Variants in FAM107B observed in about 807,000 individuals in gnomAD.
FAM107B encodes the protein protein FAM107B.
FAM107B carries 21 observed loss-of-function variants against 31.5 expected under a neutral mutation model. The ratio of observed to expected loss-of-function variants is 0.67; its 90% CI spans 0.47 to 0.96. The LOEUF (loss-of-function observed/expected upper bound fraction) is 0.96, where lower values mean the gene tolerates loss of function less well. FAM107B is among the 40% of genes least tolerant of loss of function. The probability of loss-of-function intolerance (pLI) is 0.00; values close to 1 mark genes in which losing one functional copy is unlikely to be tolerated. For missense variants in FAM107B, 452 were observed against 377.1 expected (o/e 1.20, Z -1.64); for synonymous variants, 157 against 141.5 (o/e 1.11, Z -0.78).
intron 2 of FAM107B, among the ~76,000 whole-genome samples, chr10:14,570,233 G>GGTGTGTGTGTGTGTGT (rs57206586): frequency 7.1e-6 from 1 of 140,424 alleles, no homozygotes; most frequent in Non-Finnish European, 1.6e-5. Flanking sequence ...AAATGTGGTG[G>GGTGTGTGTGTGTGTGT]GTGTGTGTGT....
chr10:14,587,533 G>A (rs1369815448), intron 2 of FAM107B, among the ~76,000 whole-genome samples: 3 of 152,038 alleles, frequency 2.0e-5, no homozygotes, highest in Non-Finnish European at 4.4e-5. Context: ...ATGTTTTTAA[G>A]ACTTTCCATT....
chr10:14,690,464 A>AT (rs1469190758), intron 1 of FAM107B, among the ~76,000 whole-genome samples: 7 of 151,210 alleles, frequency 4.6e-5, no homozygotes, highest in African/African-American at 1.5e-4. Flanking sequence ...TTATTTTTTT[A>AT]TTTTTTTGAG....
chr10:14,558,536 T>C (rs1019782146), intron 2 of FAM107B, among the ~76,000 whole-genome samples: 6 of 152,160 alleles, frequency 3.9e-5, no homozygotes, highest in African/African-American at 1.4e-4. Context: ...TCCAGAAGCA[T>C]CCAGAAAGAG....
chr10:14,538,684 T>C (rs572290341), intron 2 of FAM107B, among the ~76,000 whole-genome samples: 28 of 152,192 alleles, frequency 1.8e-4, no homozygotes, highest in Non-Finnish European at 3.1e-4. Flanking sequence ...ACTTTTTTGG[T>C]GCATGCCCTC....
intron 1 of FAM107B, among the ~76,000 whole-genome samples, chr10:14,761,153 T>C (rs973772314): frequency 6.6e-6 from 1 of 152,184 alleles, no homozygotes; most frequent in African/African-American, 2.4e-5. Flanking sequence ...GCTTACTCAG[T>C]AATAAGTGTG....
At chr10:14,590,047 T>C (rs1045187144) in intron 2 of FAM107B, among the ~76,000 whole-genome samples, 3 of 151,946 alleles carry the variant, frequency 2.0e-5, no homozygotes, top group African/African-American at 7.2e-5. Context: ...CTAATGGTCC[T>C]TATTCCAGGA....
At chr10:14,651,597 C>T (rs1371783359) in intron 2 of FAM107B, among the ~76,000 whole-genome samples, 2 of 152,078 alleles carry the variant, frequency 1.3e-5, no homozygotes, top group East Asian at 1.9e-4. Context: ...AGTGAAACCC[C>T]GTCTCAAAAA....
chr10:14,537,246 TGA>T (rs1368283682), intron 2 of FAM107B, among the ~76,000 whole-genome samples: 1 of 152,216 alleles, frequency 6.6e-6, no homozygotes, highest in Non-Finnish European at 1.5e-5. Flanking sequence ...CTGGCCATTC[TGA>T]GAGATGCAGG....
chr10:14,771,201 A>G (rs1485912344), intron 1 of FAM107B, among the ~76,000 whole-genome samples: 2 of 152,224 alleles, frequency 1.3e-5, no homozygotes, highest in African/African-American at 4.8e-5. Flanking sequence ...GAAGATCTCA[A>G]AGCAATCCCC....
chr10:14,734,769 G>C (rs1254846013), intron 1 of FAM107B, among the ~76,000 whole-genome samples: 1 of 152,064 alleles, frequency 6.6e-6, no homozygotes, highest in African/African-American at 2.4e-5. Context: ...TATTGAGATG[G>C]AGTCTTGCTC....
chr10:14,753,437 T>A (rs1032309836), intron 1 of FAM107B, among the ~76,000 whole-genome samples: 1 of 146,380 alleles, frequency 6.8e-6, no homozygotes, highest in African/African-American at 2.8e-5. Flanking sequence ...AACACCTTCA[T>A]CATGGGAGGT....
intron 2 of FAM107B, among the ~76,000 whole-genome samples, chr10:14,605,648 G>A (rs1028111372): frequency 6.6e-6 from 1 of 152,196 alleles, no homozygotes; most frequent in Non-Finnish European, 1.5e-5. Context: ...AACCCACTGA[G>A]GGGTGGAATC....
intron 1 of FAM107B, among the ~76,000 whole-genome samples, chr10:14,701,145 C>T (rs1402233337): frequency 6.6e-6 from 1 of 152,128 alleles, no homozygotes; most frequent in Admixed American, 6.5e-5. Context: ...TTGACAGGGA[C>T]AAGGTTAATC....
intron 1 of FAM107B, among the ~76,000 whole-genome samples, chr10:14,686,797 T>A (rs1300867708): frequency 6.6e-6 from 1 of 152,176 alleles, no homozygotes; most frequent in Non-Finnish European, 1.5e-5. Flanking sequence ...AAACTGAAGT[T>A]GTTCAGTGCC....
intron 2 of FAM107B, among the ~76,000 whole-genome samples, chr10:14,595,746 C>T (rs1478009688): frequency 6.6e-6 from 1 of 152,192 alleles, no homozygotes; most frequent in African/African-American, 2.4e-5. Flanking sequence ...AGCTCATCCT[C>T]CACCAGTCTC....
intron 1 of FAM107B, among the ~76,000 whole-genome samples, chr10:14,727,429 C>G (rs917013031): frequency 3.3e-5 from 5 of 152,226 alleles, no homozygotes; most frequent in Non-Finnish European, 7.3e-5. Flanking sequence ...CCTGGACTTG[C>G]AACTGTCAGC....
intron 1 of FAM107B, among the ~76,000 whole-genome samples, chr10:14,693,214 G>A (rs1855185021): frequency 2.0e-5 from 3 of 152,146 alleles, no homozygotes; most frequent in Non-Finnish European, 2.9e-5. Flanking sequence ...GGTGGCTCAC[G>A]CCTGTAATCC....
intron 1 of FAM107B, chr10:14,724,005 C>G: frequency 1.2e-6 from 1 of 815,246 alleles, no homozygotes; most frequent in East Asian, 2.5e-5. Context: ...CTCCAAGGAA[C>G]TTAAGGACAT....
At chr10:14,523,354 C>T (rs1488008332) in intron 3 of FAM107B, among the ~76,000 whole-genome samples, 1 of 152,230 alleles carries the variant, frequency 6.6e-6, no homozygotes, top group African/African-American at 2.4e-5. Context: ...ACAGGAAAAG[C>T]GCTTTCAATT....
Sources: gnomAD v4.1 joint callset for allele counts (sites outside exome capture counted in the v4.1 genomes callset) on GRCh38, gnomAD v4.1.1 for gene constraint, MANE v1.5 for transcripts, NCBI Gene and HGNC (gene_info 2026-07-23, HGNC 2026-07-21) for gene names.